The following IGF2R variants were observed in gnomAD, a reference collection of about 807,000 sequenced individuals.
The protein encoded by IGF2R is insulin like growth factor 2 receptor, also known as cation-independent mannose-6-phosphate receptor.
Under a neutral mutation model 270.6 loss-of-function variants are expected in IGF2R, and 91 were observed. The observed-to-expected ratio is 0.34, with a 90% CI of 0.28 to 0.40. The LOEUF (loss-of-function observed/expected upper bound fraction) is 0.40, where lower values mean the gene tolerates loss of function less well. Among genes scored for constraint, IGF2R ranks in the 10% least tolerant of loss-of-function variants. The pLI is 1.00. For synonymous variants in IGF2R, 1,316 were observed against 1,258.9 expected, an observed-to-expected ratio of 1.05 and a Z score of -0.96; for missense variants, 2,805 against 3,188.3, an observed-to-expected ratio of 0.88 and a Z score of 2.90.
chr6:160,001,476 G>A (rs1229659768), intron 2 of IGF2R, among the ~76,000 whole-genome samples: 2 of 152,014 alleles, frequency 1.3e-5, no homozygotes, highest in Non-Finnish European at 2.9e-5. Flanking sequence ...GAAATAAAGG[G>A]TACAATAAAT....
At chr6:159,987,592 A>AT (rs1418194759) in intron 1 of IGF2R, among the ~76,000 whole-genome samples, 1 of 152,130 alleles carries the variant, frequency 6.6e-6, no homozygotes, top group East Asian at 1.9e-4. Flanking sequence ...GAGTTTCACC[A>AT]TACTGGTCAG....
chr6:160,057,993 G>A lies in IGF2R; in HGVS notation c.2797-30G>A, dbSNP rs531833569. 162 of 1,391,168 alleles carry A rather than the reference G, an allele frequency of 1.2e-4. 1 individual carries two copies. The highest frequency in any genetic ancestry group is 1.2e-3 in the South Asian group (100 of 86,330). The allele number at this position is 1,391,168 out of a possible 1,614,324, so 86.2% of individuals were successfully genotyped here. On this transcript the variant is annotated intron_variant, in intron 20 of 47. Coordinates refer to ENST00000356956, the MANE Select transcript of IGF2R (RefSeq NM_000876.4). ...GTTCCTGTGGAATTGGTTTGAATGC[G>A]CCCCTTTTTCCCCATTTTGTTTCCT... is the stretch of plus-strand genomic sequence containing the variant.
At chr6:160,034,343 G>GTA in intron 9 of IGF2R, 76 bp from the exon 10 acceptor site, 2 of 921,040 alleles carry the variant, frequency 2.2e-6, no homozygotes, top group Non-Finnish European at 3.6e-6. Context: ...AAGGCTTAAT[G>GTA]TAGACATTTA....
At chr6:160,022,571 GT>G in intron 4 of IGF2R, among the ~76,000 whole-genome samples, 1 of 152,222 alleles carries the variant, frequency 6.6e-6, no homozygotes, top group Non-Finnish European at 1.5e-5. Flanking sequence ...CATCTTCACA[GT>G]TTATGGAACA....
intron 2 of IGF2R, among the ~76,000 whole-genome samples, chr6:159,995,103 A>G (rs533795702): frequency 1.3e-5 from 2 of 152,180 alleles, no homozygotes; most frequent in East Asian, 3.9e-4. Flanking sequence ...TAATGATTTT[A>G]TGAATCTGAG....
chr6:160,088,900 C>T (rs969136560), intron 42 of IGF2R, among the ~76,000 whole-genome samples: 3 of 152,222 alleles, frequency 2.0e-5, no homozygotes, highest in Admixed American at 6.5e-5. Flanking sequence ...ACCCTCGCTC[C>T]GAGCTGCCGT....
In IGF2R at chr6:160,108,588, A is replaced by T. The variant is rs971614118; in HGVS notation, c.*3504A>T. ...TGCCTGCGAGGCTCTCTCTGGGAGG[A>T]AGTCAGGTCTTTCTTTCCTTCGTTT... On this transcript the variant is annotated 3_prime_UTR_variant, in exon 48 of 48. Transcript: ENST00000356956. 2 of 152,030 alleles carry T rather than the reference A, an allele frequency of 1.3e-5. No individual in the cohort carries two copies. Among genetic ancestry groups the T allele is most frequent in the African/African-American group, 4.8e-5 (2 of 41,374 alleles). 9.4% of individuals were successfully genotyped at this position (152,030 alleles called of 1,614,324 possible).
chr6:159,988,251 C>T (rs1447686659), intron 1 of IGF2R, among the ~76,000 whole-genome samples: 2 of 152,142 alleles, frequency 1.3e-5, no homozygotes, highest in Non-Finnish European at 2.9e-5. Context: ...CGCGGTGGCT[C>T]ACGCCTGTAA....
At chr6:160,027,095 TA>T in intron 5 of IGF2R, 89 bp from the exon 6 acceptor site, 1 of 1,400,882 alleles carries the variant, frequency 7.1e-7, no homozygotes, top group Non-Finnish European at 1.0e-6. Flanking sequence ...AGGAATTCAA[TA>T]ATGTATTTAA....
chr6:160,056,999 C>T (rs1268527415), intron 20 of IGF2R, among the ~76,000 whole-genome samples: 1 of 152,092 alleles, frequency 6.6e-6, no homozygotes, highest in Non-Finnish European at 1.5e-5. Flanking sequence ...TGTCTCTCAC[C>T]TGTGCATAGG....
Position 160,019,279 on chromosome 6 carries a change from A to G in IGF2R, c.514-5293A>G, listed in dbSNP as rs1193175241. 5.9e-5 allele frequency among the ~76,000 whole-genome samples: 9 copies of G among 152,298 alleles called. 1 individual carries two copies. The South Asian group carries it at 8.3e-4, about 14-fold the overall frequency. ...AAAAAGACCAATAACAAGTATTGGG[A>G]TTGAATCAGTAATTTAAGAAAAACA... On this transcript the variant is annotated intron_variant, in intron 4 of 47. Coordinates refer to ENST00000356956, the MANE Select transcript of IGF2R (RefSeq NM_000876.4).
chr6:159,971,726 C>G (rs577750552), intron 1 of IGF2R, among the ~76,000 whole-genome samples: 1 of 152,330 alleles, frequency 6.6e-6, no homozygotes, highest in Admixed American at 6.5e-5. Flanking sequence ...TAGCTCACTA[C>G]AGTCGTGAAC....
At chr6:160,068,065 G>GGTGTGT (rs879058804) in intron 29 of IGF2R, among the ~76,000 whole-genome samples, 184 bp from the exon 30 acceptor site, 14 of 77,480 alleles carry the variant, frequency 1.8e-4, no homozygotes, top group South Asian at 1.1e-3. Flanking sequence ...TCTGATGGGG[G>GGTGTGT]GTGTGTGTGT....
chr6:160,103,651 CTGG>C, intron 46 of IGF2R, 92 bp from the exon 47 acceptor site: 1 of 817,414 alleles, frequency 1.2e-6, no homozygotes, highest in South Asian at 1.4e-5. Flanking sequence ...CACCAGCCCC[CTGG>C]TGGTGCAGAT....
rs1348199492 is a variant in IGF2R, at chr6:160,107,312, C to T, written c.*2228C>T. ...GGCATATGCAGGGACCTGCCCATCC[C>T]CTTGGTAAGCTGGATGGCAAAAAGG... On this transcript the variant is annotated 3_prime_UTR_variant, in exon 48 of 48. Transcript: ENST00000356956. 4 of 152,246 alleles carry T rather than the reference C, an allele frequency of 2.6e-5. No individual in the cohort carries two copies. The highest frequency in any genetic ancestry group is 1.3e-4 in the Admixed American group (2 of 15,286). 9.4% of individuals were successfully genotyped at this position (152,246 alleles called of 1,614,324 possible).
rs1272535891 is a variant in IGF2R, at chr6:160,090,054, CT to C, written c.6608del (p.Phe2203SerfsTer133). Reference sequence around the variant, plus strand: ...GCCAGGTGAAGCCCAACGATCAGCACTTCAGTCGGAAAGTTGGAACCTCTGA... The same window carrying C: ...GCCAGGTGAAGCCCAACGATCAGCACTCAGTCGGAAAGTTGGAACCTCTGA... ...ICQVKPNDQHFSRKVGTSDKT... is the reference protein window; with the variant it reads ...ICQVKPNDQHXSRKVGTSDKT... On this transcript the variant is annotated frameshift_variant, in exon 44 of 48. Transcript: ENST00000356956. LOFTEE classifies it high-confidence loss of function. 1 of 1,591,448 alleles carries C rather than the reference CT, an allele frequency of 6.3e-7. No individual in the cohort carries two copies. The highest frequency in any genetic ancestry group is 8.6e-7 in the Non-Finnish European group (1 of 1,168,846).
At chr6:160,079,939 C>G in intron 38 of IGF2R, 152 bp downstream of exon 38, 2 of 977,712 alleles carry the variant, frequency 2.0e-6, no homozygotes, top group Non-Finnish European at 1.5e-6. Context: ...TGTACACCCC[C>G]GGTGTGAATG....
chr6:160,105,897 TTGTGTGTTTG>T lies in IGF2R; in HGVS notation c.*821_*830del, dbSNP rs1779605468. On this transcript the variant is annotated 3_prime_UTR_variant, in exon 48 of 48. Coordinates refer to ENST00000356956, the MANE Select transcript of IGF2R (RefSeq NM_000876.4). Reference sequence around the variant, plus strand: ...TCAAACAACCTGCCCAAAGATTGATTTGTGTGTTTGTGTGTGTGTGTGTGTGTGTGTGTGT... The same window carrying T: ...TCAAACAACCTGCCCAAAGATTGATTTGTGTGTGTGTGTGTGTGTGTGTGT... 8.9e-6 allele frequency: 1 copy of T among 112,446 alleles called. No homozygotes were observed. The highest frequency in any genetic ancestry group is 3.4e-5 in the African/African-American group (1 of 29,272). 7.0% of individuals were successfully genotyped at this position (112,446 alleles called of 1,614,324 possible). A position where few individuals can be genotyped will look rare whatever the true frequency, so the allele number is the denominator to read the frequency against.
At chr6:160,097,358 T>C (rs1779385981) in intron 45 of IGF2R, among the ~76,000 whole-genome samples, 1 of 152,248 alleles carries the variant, frequency 6.6e-6, no homozygotes, top group Non-Finnish European at 1.5e-5. Context: ...TGGGATGGAC[T>C]CTTGCTCTGT....
Sources: gnomAD v4.1 joint callset for allele counts (sites outside exome capture counted in the v4.1 genomes callset) on GRCh38, gnomAD v4.1.1 for gene constraint, MANE v1.5 for transcripts, NCBI Gene and HGNC (gene_info 2026-07-23, HGNC 2026-07-21) for gene names.